NDUFB4: variants seen among roughly 807,000 people sequenced by gnomAD.
NDUFB4 encodes NADH:ubiquinone oxidoreductase subunit B4, also known as NADH dehydrogenase [ubiquinone] 1 beta subcomplex subunit 4.
In NDUFB4, 10 loss-of-function variants were observed where a neutral mutation model predicts 14.5. That is an observed-to-expected ratio of 0.69 (90% CI 0.43 to 1.17). The LOEUF (loss-of-function observed/expected upper bound fraction) is 1.17. Ranked by LOEUF, NDUFB4 falls within the 50% of genes most tolerant of loss-of-function variation. The pLI is 0.00. For synonymous variants in NDUFB4, 65 were observed against 63.4 expected (o/e 1.03, Z -0.12); for missense variants, 165 against 161.1 (o/e 1.02, Z -0.13).
intron 2 of NDUFB4, 184 bp from the exon 3 acceptor site, chr3:120,602,024 A>G (rs1359330583): frequency 3.0e-6 from 4 of 1,344,514 alleles, no homozygotes; most frequent in Non-Finnish European, 3.8e-6. Flanking sequence ...TTCTTCGCAC[A>G]CTCCCTGGGC....
intron 1 of NDUFB4, among the ~76,000 whole-genome samples, chr3:120,597,126 T>C (rs1382769430): frequency 1.3e-5 from 2 of 150,572 alleles, no homozygotes; most frequent in African/African-American, 4.9e-5. Flanking sequence ...TCACAGCTCA[T>C]AGGGATACTG....
Position 120,597,010 on chromosome 3 carries a change from T to C in NDUFB4, c.180+471T>C, listed in dbSNP as rs184078242. On this transcript the variant is annotated intron_variant, in intron 1 of 2. Transcript: ENST00000184266. Reference sequence around the variant, plus strand: ...ATGCATATATATTATATTCTATATATATGCATATATATTTTATATATATGC... The same window carrying C: ...ATGCATATATATTATATTCTATATACATGCATATATATTTTATATATATGC... 1.5e-3 allele frequency among the ~76,000 whole-genome samples: 211 copies of C among 143,746 alleles called. 5 individuals are homozygous for C. In the East Asian group the frequency reaches 0.036, roughly 24 times the overall value. 94.3% of individuals were successfully genotyped at this position (143,746 alleles called of 152,430 possible). A position where few individuals can be genotyped will look rare whatever the true frequency, so the allele number is the denominator to read the frequency against.
intron 1 of NDUFB4, among the ~76,000 whole-genome samples, chr3:120,596,997 TA>T (rs1939970820): frequency 6.8e-6 from 1 of 146,118 alleles, no homozygotes; most frequent in African/African-American, 2.5e-5. Context: ...GCATATATAT[TA>T]TATTCTATAT....
Position 120,596,410 on chromosome 3 carries a change from C to G in NDUFB4, c.51C>G (p.Thr17=), listed in dbSNP as rs1432830443. The part of the protein sequence containing the change: ...KPSSLRTLPE[T]LDPAEYNISP... ...CGAGCCTGCGCACTCTGCCTGAGAC[C>G]CTCGACCCAGCCGAATACAACATAT... Residue 17 remains threonine, a synonymous_variant, in exon 1 of 3, where the codon ACC becomes ACG. Coordinates refer to ENST00000184266, the MANE Select transcript of NDUFB4 (RefSeq NM_004547.6). 1.2e-6 allele frequency: 2 copies of G among 1,614,058 alleles called. No individual in the cohort carries two copies. The highest frequency in any genetic ancestry group is 1.7e-5 in the Admixed American group (1 of 60,004).
chr3:120,600,820 GTTAGA>G (rs1194867058), intron 1 of NDUFB4: 2 of 321,764 alleles, frequency 6.2e-6, no homozygotes, highest in Admixed American at 4.9e-5. Context: ...TTCTCTGACA[GTTAGA>G]TTAGGTTAGA....
intron 1 of NDUFB4, chr3:120,596,759 A>G (rs1257435014): frequency 3.6e-6 from 2 of 561,340 alleles, no homozygotes; most frequent in Non-Finnish European, 6.4e-6. Flanking sequence ...TGGCTTGATC[A>G]CTTCCTGCCT....
intron 1 of NDUFB4, 170 bp from the exon 2 acceptor site, chr3:120,600,941 C>T (rs1940048036): frequency 1.7e-6 from 1 of 587,772 alleles, no homozygotes; most frequent in Non-Finnish European, 2.9e-6. Context: ...ATTCAAAAAA[C>T]ACCAGAAATG....
chr3:120,596,467 G>T lies in NDUFB4; in HGVS notation c.108G>T (p.Arg36=), dbSNP rs764790555. 6.2e-7 allele frequency: 1 copy of T among 1,614,114 alleles called. No homozygotes were observed. Among genetic ancestry groups the T allele is most frequent in the South Asian group, 1.1e-5 (1 of 91,064 alleles). The change falls in exon 1 of 3, where the codon CGG becomes CGT. Residue 36 remains arginine, a synonymous_variant. Transcript: ENST00000184266. ...SPETRRAQAE[R]LAIRAQLKRE... The stretch of plus-strand genomic sequence containing the variant: ...AAACCCGGCGGGCGCAAGCCGAGCG[G>T]TTGGCCATAAGAGCCCAGCTGAAAC...
intron 1 of NDUFB4, among the ~76,000 whole-genome samples, chr3:120,600,109 G>GTTT (rs1186301411): frequency 3.0e-5 from 4 of 133,356 alleles, no homozygotes; most frequent in Admixed American, 7.6e-5. Flanking sequence ...CCATCATAAG[G>GTTT]TTTTTTTTTT....
At chr3:120,598,331 G>T (rs1311203725) in intron 1 of NDUFB4, among the ~76,000 whole-genome samples, 1 of 152,062 alleles carries the variant, frequency 6.6e-6, no homozygotes, top group Non-Finnish European at 1.5e-5. Context: ...TGGGATTACA[G>T]ACTTGAGCCA....
At chr3:120,601,418 C>T (rs1345511477) in intron 2 of NDUFB4, 161 bp downstream of exon 2, 1 of 1,460,176 alleles carries the variant, frequency 6.8e-7, no homozygotes, top group Non-Finnish European at 9.0e-7. Flanking sequence ...TCCTTTCCAG[C>T]AGGAGTTAAA....
In NDUFB4 at chr3:120,597,024, T is replaced by TA. The variant is rs1553713496; in HGVS notation, c.180+485_180+486insA. 7.9e-3 allele frequency among the ~76,000 whole-genome samples: 1,109 copies of TA among 141,042 alleles called. 6 individuals are homozygous for TA. The highest frequency in any genetic ancestry group is 0.012 in the Non-Finnish European group (755 of 65,246). The allele number at this position is 141,042 out of a possible 152,430, so 92.5% of individuals were successfully genotyped here. On this transcript the variant is annotated intron_variant, in intron 1 of 2. Coordinates refer to ENST00000184266, the MANE Select transcript of NDUFB4 (RefSeq NM_004547.6). ...TATTCTATATATATGCATATATATTTTATATATATGCATATATATTATATT... is the reference window on the plus strand; with the variant it reads ...TATTCTATATATATGCATATATATTTATATATATATGCATATATATTATATT...
intron 2 of NDUFB4, chr3:120,601,849 A>T: frequency 1.9e-6 from 2 of 1,040,404 alleles, no homozygotes; most frequent in South Asian, 7.3e-5. Flanking sequence ...CTGGTGAATG[A>T]TCTACTTAAC....
intron 1 of NDUFB4, 148 bp from the exon 2 acceptor site, chr3:120,600,963 C>G (rs780122188): frequency 1.1e-4 from 68 of 633,066 alleles, no homozygotes; most frequent in Non-Finnish European, 1.3e-5. Context: ...AAGATCTTTC[C>G]TGAAGCTGTT....
At position 120,602,451 on chromosome 3, in the gene NDUFB4, G is replaced by C. The variant is rs1170704865; in HGVS notation, c.*181G>C. 5.3e-6 allele frequency: 3 copies of C among 566,774 alleles called. No homozygotes were observed. Among genetic ancestry groups the C allele is most frequent in the Non-Finnish European group, 9.4e-6 (3 of 320,844 alleles). The allele number at this position is 566,774 out of a possible 1,614,324, so 35.1% of individuals were successfully genotyped here. ...GCTGTCAGAGTGACAGCAAACATTT[G>C]CTGTACATTGAATGAATGAACATAA... On this transcript the variant is annotated 3_prime_UTR_variant, in exon 3 of 3. Transcript: ENST00000184266.
At chr3:120,599,071 C>A (rs1389466736) in intron 1 of NDUFB4, among the ~76,000 whole-genome samples, 1 of 152,020 alleles carries the variant, frequency 6.6e-6, no homozygotes, top group Admixed American at 6.5e-5. Context: ...GTAGAGCCAA[C>A]CAGGTTTGCT....
intron 2 of NDUFB4, chr3:120,601,611 C>A: frequency 9.3e-7 from 1 of 1,073,656 alleles, no homozygotes; most frequent in Non-Finnish European, 1.1e-6. Context: ...TAATACTCTA[C>A]GGACAGAGAA....
chr3:120,597,077 A>ATATATGCATATATATTATATTC (rs1939976051), intron 1 of NDUFB4, among the ~76,000 whole-genome samples: 3 of 146,676 alleles, frequency 2.0e-5, no homozygotes, highest in Non-Finnish European at 3.0e-5. Context: ...TATTTTATAT[A>ATATATGCATATATATTATATTC]TATATATAAT....
chr3:120,596,553 C>T lies in NDUFB4; in HGVS notation c.180+14C>T, dbSNP rs1385981513. On this transcript the variant is annotated intron_variant, in intron 1 of 2. Coordinates refer to ENST00000184266, the MANE Select transcript of NDUFB4 (RefSeq NM_004547.6). ...CGAGGGCTCATCGTGAGTGTGGGGC[C>T]TCCCAGGCGGGAATAGGGCCCGAGT... The T allele has an allele frequency of 1.2e-6, 2 of 1,612,356 alleles. No individual in the cohort carries two copies. Among genetic ancestry groups the T allele is most frequent in the South Asian group, 2.2e-5 (2 of 90,672 alleles).
Sources: allele counts gnomAD v4.1 joint callset (sites outside exome capture counted in the v4.1 genomes callset), GRCh38; gene constraint gnomAD v4.1.1; transcripts MANE v1.5; gene names NCBI Gene and HGNC (gene_info 2026-07-23, HGNC 2026-07-21).